RARB: variants seen among roughly 807,000 people sequenced by gnomAD.
The protein encoded by RARB is retinoic acid receptor beta, also known as HBV-activated protein.
In RARB, 17 loss-of-function variants were observed where a neutral mutation model predicts 51.9. The ratio of observed to expected loss-of-function variants is 0.33; its 90% CI spans 0.22 to 0.49. The LOEUF is 0.49. Ranked by LOEUF, RARB falls within the 20% of genes least tolerant of loss-of-function variation. The pLI is 0.99. For synonymous variants in RARB, 215 were observed against 195.4 expected (o/e 1.10, Z -0.84); for missense variants, 369 against 550.8 (o/e 0.67, Z 3.30).
In RARB at chr3:25,569,783, AAAG is replaced by A; in HGVS notation, c.478_480del (p.Lys160del). Reference sequence around the variant, plus strand: ...CTGTCAGGAATGACAGGAACAAGAAAAAGAAGGAGACTTCGAAGCAAGAATGCA... The same window carrying A: ...CTGTCAGGAATGACAGGAACAAGAAAAAGGAGACTTCGAAGCAAGAATGCA... On this transcript the variant is annotated inframe_deletion, in exon 4 of 8. Transcript: ENST00000330688. 2.5e-6 allele frequency: 4 copies of A among 1,614,142 alleles called. No individual in the cohort carries two copies. The highest frequency in any genetic ancestry group is 3.4e-6 in the Non-Finnish European group (4 of 1,180,006).
intron 2 of RARB, among the ~76,000 whole-genome samples, chr3:24,923,970 T>C (rs1231617245): frequency 6.6e-6 from 1 of 152,158 alleles, no homozygotes; most frequent in East Asian, 1.9e-4. Flanking sequence ...TGAAATAATA[T>C]CATTTTACAT....
Position 25,580,669 on chromosome 3 carries a change from T to C in RARB, c.733T>C (p.Leu245=), listed in dbSNP as rs376824039. ...TAAACGTCTGCCTGGTTTCACTGGC[T>C]TGACCATCGCAGACCAAATTACCCT... ...FAKRLPGFTG[L]TIADQITLLK... Residue 245 remains leucine, a synonymous_variant, in exon 5 of 8, where the codon TTG becomes CTG. Transcript: ENST00000330688. 1 of 1,612,920 alleles carries C rather than the reference T, an allele frequency of 6.2e-7. No individual in the cohort carries two copies. The highest frequency in any genetic ancestry group is 8.5e-7 in the Non-Finnish European group (1 of 1,179,130).
At chr3:25,435,701 A>G (rs1038681665) in intron 1 of RARB, among the ~76,000 whole-genome samples, 3 of 152,236 alleles carry the variant, frequency 2.0e-5, no homozygotes. Flanking sequence ...TAATGACAAG[A>G]AGCTGTATAA....
At chr3:24,952,686 T>G (rs979814789) in intron 2 of RARB, among the ~76,000 whole-genome samples, 2 of 152,172 alleles carry the variant, frequency 1.3e-5, no homozygotes, top group African/African-American at 4.8e-5. Flanking sequence ...GCTGCTGCTT[T>G]GTGTACCTGC....
chr3:25,297,201 A>T (rs1703934435), intron 5 of RARB, among the ~76,000 whole-genome samples: 1 of 152,170 alleles, frequency 6.6e-6, no homozygotes, highest in African/African-American at 2.4e-5. Flanking sequence ...TGCTTTCATC[A>T]TATTCTCAAA....
At chr3:24,847,349 C>A (rs998886118) in intron 1 of RARB, among the ~76,000 whole-genome samples, 2 of 152,312 alleles carry the variant, frequency 1.3e-5, no homozygotes, top group South Asian at 4.1e-4. Context: ...TCAAAATGCA[C>A]TCCTTGGACT....
intron 2 of RARB, among the ~76,000 whole-genome samples, chr3:24,859,059 A>AAAAG (rs1702690955): frequency 1.7e-4 from 5 of 29,356 alleles, no homozygotes; most frequent in African/African-American, 2.8e-4. Context: ...AAAAAAAAAG[A>AAAAG]AAAAAAAAAA....
At chr3:25,130,572 T>C (rs942997282) in intron 3 of RARB, among the ~76,000 whole-genome samples, 2 of 151,934 alleles carry the variant, frequency 1.3e-5, no homozygotes, top group Admixed American at 1.3e-4. Flanking sequence ...TTTCTCTCAC[T>C]CTTGCAGCCC....
chr3:25,550,335 G>T, intron 3 of RARB, among the ~76,000 whole-genome samples: 1 of 152,136 alleles, frequency 6.6e-6, no homozygotes, highest in East Asian at 1.9e-4. Context: ...CCATAGACTA[G>T]GTGGCTTATA....
rs137863383 is a variant in RARB at position 25,218,309 on chromosome 3, G to A, written c.178+43734G>A. On this transcript the variant is annotated intron_variant, in intron 5 of 11. Coordinates refer to the RARB transcript ENST00000383772. Reference sequence around the variant, plus strand: ...TTGCGCCCCCACCCAGTGTGTGTGCGCGCGTGTGCACACACATATCCGCCC... The same window carrying A: ...TTGCGCCCCCACCCAGTGTGTGTGCACGCGTGTGCACACACATATCCGCCC... 2.4e-3 allele frequency among the ~76,000 whole-genome samples: 367 copies of A among 151,770 alleles called. 1 individual carries two copies. Among genetic ancestry groups the A allele is most frequent in the Non-Finnish European group, 4.3e-3 (293 of 67,926 alleles).
At chr3:25,038,828 C>A (rs1177058112) in intron 2 of RARB, among the ~76,000 whole-genome samples, 3 of 152,058 alleles carry the variant, frequency 2.0e-5, no homozygotes, top group African/African-American at 7.3e-5. Context: ...TATTGCCAAC[C>A]TCTGGGTATG....
chr3:25,247,723 C>T (rs1010076566), intron 5 of RARB, among the ~76,000 whole-genome samples: 8 of 152,226 alleles, frequency 5.3e-5, no homozygotes, highest in African/African-American at 7.2e-5. Flanking sequence ...CCGCCTTCTG[C>T]GTTGGCCTGG....
intron 5 of RARB, among the ~76,000 whole-genome samples, chr3:25,220,233 A>C (rs9830578): frequency 0.78 from 118,303 of 152,116 alleles, 46,732 homozygotes; most frequent in East Asian, 0.85. Context: ...TCAGCAGACA[A>C]CAAGTAATAG....
At chr3:25,068,358 G>A (rs1698705290) in intron 3 of RARB, among the ~76,000 whole-genome samples, 2 of 151,664 alleles carry the variant, frequency 1.3e-5, no homozygotes, top group African/African-American at 4.8e-5. Flanking sequence ...ACAAGTTGCA[G>A]AAGTTAAGAA....
intron 2 of RARB, among the ~76,000 whole-genome samples, chr3:24,971,050 A>G (rs1023290882): frequency 1.3e-5 from 2 of 151,958 alleles, no homozygotes; most frequent in East Asian, 1.9e-4. Context: ...TTATCAGGTT[A>G]TATGCAGTAC....
At chr3:25,432,728 A>C (rs1575397829) in intron 1 of RARB, among the ~76,000 whole-genome samples, 1 of 152,220 alleles carries the variant, frequency 6.6e-6, no homozygotes, top group East Asian at 1.9e-4. Flanking sequence ...CACAGATATC[A>C]TTAAACTCTA....
intron 5 of RARB, among the ~76,000 whole-genome samples, chr3:25,408,259 T>A (rs1258980586): frequency 6.6e-6 from 1 of 152,172 alleles, no homozygotes; most frequent in Non-Finnish European, 1.5e-5. Context: ...TACCTGAGAC[T>A]GGGTAATTTA....
At chr3:25,035,761 A>G (rs1431539936) in intron 2 of RARB, among the ~76,000 whole-genome samples, 1 of 152,174 alleles carries the variant, frequency 6.6e-6, no homozygotes, top group Non-Finnish European at 1.5e-5. Context: ...CAAAGAATAT[A>G]TGGAAAAGAA....
chr3:25,398,352 T>C (rs1707174155), intron 5 of RARB, among the ~76,000 whole-genome samples: 1 of 152,112 alleles, frequency 6.6e-6, no homozygotes, highest in South Asian at 2.1e-4. Flanking sequence ...TACACTACTA[T>C]ACCAAGGGGA....
Sources: gnomAD v4.1 joint callset for allele counts (sites outside exome capture counted in the v4.1 genomes callset) on GRCh38, gnomAD v4.1.1 for gene constraint, MANE v1.5 for transcripts, NCBI Gene and HGNC (gene_info 2026-07-23, HGNC 2026-07-21) for gene names.